The following ATMIN variants were observed in gnomAD, a reference collection of about 807,000 sequenced individuals.
ATMIN encodes the protein ATM interactor.
In ATMIN, 24 loss-of-function variants were observed where a neutral mutation model predicts 49.2. That is an observed-to-expected ratio of 0.49 (90% CI 0.35 to 0.69). The LOEUF (loss-of-function observed/expected upper bound fraction) is 0.69. ATMIN is among the 30% of genes least tolerant of loss of function. The pLI is 0.00. For missense variants in ATMIN, 1,037 were observed against 1,005.5 expected (o/e 1.03, Z -0.42); for synonymous variants, 450 against 392.5 (o/e 1.15, Z -1.73).
chr16:81,042,757 A>C (rs907793660), intron 3 of ATMIN, among the ~76,000 whole-genome samples: 3 of 152,188 alleles, frequency 2.0e-5, no homozygotes, highest in Non-Finnish European at 4.4e-5. Context: ...AGAATTTTCT[A>C]TCAGAGGGAA....
rs1236782815 is a variant in ATMIN at position 81,046,107 on chromosome 16, A to G, written c.*1137A>G. The G allele has an allele frequency of 2.6e-5, 4 of 152,188 alleles. No homozygotes were observed. Among genetic ancestry groups the G allele is most frequent in the Non-Finnish European group, 4.4e-5 (3 of 68,042 alleles). 9.4% of individuals were successfully genotyped at this position (152,188 alleles called of 1,614,324 possible). ...ATGACTTCATCTTGGGGTGTGTCCT[A>G]TGAAGATCCTTTCTGGTCTCCACAG... On this transcript the variant is annotated 3_prime_UTR_variant, in exon 4 of 4. Coordinates refer to ENST00000299575, the MANE Select transcript of ATMIN (RefSeq NM_015251.3).
intron 1 of ATMIN, chr16:81,040,469 A>T (rs991972673): frequency 2.0e-5 from 3 of 152,206 alleles, no homozygotes; most frequent in Admixed American, 1.3e-4. Context: ...TTACCCAGGC[A>T]TGATAGTTTT....
intron 1 of ATMIN, 28 bp downstream of exon 1, chr16:81,036,234 G>A (rs1235014219): frequency 2.2e-6 from 3 of 1,367,942 alleles, no homozygotes; most frequent in Non-Finnish European, 2.9e-6. Flanking sequence ...GGCGGCCCGG[G>A]GGGCCGGGCC....
rs9924298 is a variant in ATMIN, at chr16:81,037,145, A to G, written c.336+939A>G. 15 of 983,906 alleles carry G rather than the reference A, an allele frequency of 1.5e-5. No homozygotes were observed. In the African/African-American group the frequency reaches 2.3e-4, roughly 15 times the overall value. 60.9% of individuals were successfully genotyped at this position (983,906 alleles called of 1,614,324 possible). The stretch of plus-strand genomic sequence containing the variant: ...CCCACCCCGGACCTGTTAAGTCACA[A>G]TCTCTCAGTCATTACAATGGCAAGT... On this transcript the variant is annotated intron_variant, in intron 1 of 3. Coordinates refer to ENST00000299575, the MANE Select transcript of ATMIN (RefSeq NM_015251.3).
chr16:81,041,468 C>T lies in ATMIN; in HGVS notation c.449C>T (p.Ser150Phe), dbSNP rs557990387. Residue 150 changes from serine to phenylalanine, a missense_variant, in exon 2 of 4, where the codon TCT (serine) becomes TTT (phenylalanine). Ser to Phe is a radical substitution (Grantham distance 155). Coordinates refer to ENST00000299575, the MANE Select transcript of ATMIN (RefSeq NM_015251.3). ...CCTGAGAGACCGTTTTCTCAGTTTT[C>T]TCTCGTAAAACAGGTACTCTCTACT... ...RGPERPFSQF[S>F]LVKQHFMKMH... The T allele has an allele frequency of 6.2e-7, 1 of 1,608,576 alleles. No individual in the cohort carries two copies. The highest frequency in any genetic ancestry group is 8.5e-7 in the Non-Finnish European group (1 of 1,178,784).
chr16:81,041,378 T>C lies in ATMIN; in HGVS notation c.359T>C (p.Ile120Thr). The C allele has an allele frequency of 6.2e-7, 1 of 1,613,252 alleles. No individual in the cohort carries two copies. The highest frequency in any genetic ancestry group is 8.5e-7 in the Non-Finnish European group (1 of 1,179,814). Residue 120 changes from isoleucine to threonine, a missense_variant, in exon 2 of 4, where the codon ATA becomes ACA. Ile to Thr is a moderately conservative substitution (Grantham distance 89). Coordinates refer to ENST00000299575, the MANE Select transcript of ATMIN (RefSeq NM_015251.3). ...RLQDGIVNPT[I>T]RKDLKTGPKF... is the part of the protein sequence containing the mutation. ...CAGGATGGCATAGTCAATCCAACAATAAGAAAAGATTTGAAAACTGGACCG... is the reference window on the plus strand; with the variant it reads ...CAGGATGGCATAGTCAATCCAACAACAAGAAAAGATTTGAAAACTGGACCG...
At chr16:81,042,652 G>A (rs560664971) in intron 3 of ATMIN, among the ~76,000 whole-genome samples, 172 bp downstream of exon 3, 1 of 152,342 alleles carries the variant, frequency 6.6e-6, no homozygotes, top group South Asian at 2.1e-4. Context: ...ACACATGTCT[G>A]GGCCTGAAAT....
chr16:81,038,531 G>A (rs193280238), intron 1 of ATMIN, among the ~76,000 whole-genome samples: 2 of 152,096 alleles, frequency 1.3e-5, no homozygotes, highest in Admixed American at 1.3e-4. Flanking sequence ...CTTTCTAACC[G>A]CAGTGCCCAG....
At position 81,045,248 on chromosome 16, in the gene ATMIN, A is replaced by T. The variant is rs1418684509; in HGVS notation, c.*278A>T. The T allele has an allele frequency of 7.3e-6, 3 of 412,600 alleles. No individual in the cohort carries two copies. The highest frequency in any genetic ancestry group is 1.3e-5 in the Non-Finnish European group (3 of 232,612). 25.6% of individuals were successfully genotyped at this position (412,600 alleles called of 1,614,324 possible). Reference sequence around the variant, plus strand: ...CATGTTAAAAAAAAAAATGTATTTCATATCTATAAAACCTATATAGCCATT... The same window carrying T: ...CATGTTAAAAAAAAAAATGTATTTCTTATCTATAAAACCTATATAGCCATT... On this transcript the variant is annotated 3_prime_UTR_variant, in exon 4 of 4. Transcript: ENST00000299575.
rs768229303 is a variant in ATMIN at position 81,044,702 on chromosome 16, C to G, written c.2204C>G (p.Ser735Ter). ...KHSSFSVSTDSSDTETQTEGV... is the reference protein window; with the variant it reads ...KHSSFSVSTD Reference sequence around the variant, plus strand: ...TCCAGCTTTTCCGTGAGTACTGATTCATCTGACACAGAGACCCAAACTGAA... The same window carrying G: ...TCCAGCTTTTCCGTGAGTACTGATTGATCTGACACAGAGACCCAAACTGAA... Residue 735 changes from serine to a stop codon, truncating the protein, a stop_gained, in exon 4 of 4, where the codon TCA becomes TGA. Transcript: ENST00000299575. LOFTEE classifies it high-confidence loss of function. 3 of 1,614,192 alleles carry G rather than the reference C, an allele frequency of 1.9e-6. No homozygotes were observed. The highest frequency in any genetic ancestry group is 2.5e-6 in the Non-Finnish European group (3 of 1,180,040).
In ATMIN at chr16:81,035,906, C is replaced by T. The variant is rs1461938008; in HGVS notation, c.36C>T (p.Ser12=). The change falls in exon 1 of 4, where the codon TCC becomes TCT. Residue 12 remains serine (S), a synonymous_variant. Transcript: ENST00000299575. The part of the protein sequence containing the change: ...AASEAAAAAG[S]AALAAGARAV... ...CGGAGGCGGCGGCGGCGGCGGGGTC[C>T]GCGGCTCTGGCGGCGGGTGCCCGGG... is the stretch of plus-strand genomic sequence containing the variant. 2 of 984,618 alleles carry T rather than the reference C, an allele frequency of 2.0e-6. No homozygotes were observed. Among genetic ancestry groups the T allele is most frequent in the South Asian group, 4.5e-5 (1 of 22,078 alleles). The allele number at this position is 984,618 out of a possible 1,614,324, so 61.0% of individuals were successfully genotyped here.
Position 81,036,193 on chromosome 16 carries a change from G to A in ATMIN, c.323G>A (p.Ser108Asn). ...GCGCTCAACATGCACCTAGTCAAGA[G>A]CCACCGCCTGCAGGTGAGCCCGACG... ...SPALNMHLVK[S>N]HRLQDGIVNP... Residue 108 changes from serine to asparagine, a missense_variant, in exon 1 of 4, where the codon AGC becomes AAC. Ser to Asn is a conservative substitution (Grantham distance 46). Transcript: ENST00000299575. The A allele has an allele frequency of 6.9e-7, 1 of 1,449,454 alleles. No homozygotes were observed. Among genetic ancestry groups the A allele is most frequent in the Non-Finnish European group, 9.1e-7 (1 of 1,093,518 alleles). 89.8% of individuals were successfully genotyped at this position (1,449,454 alleles called of 1,614,324 possible). A position where few individuals can be genotyped will look rare whatever the true frequency, so the allele number is the denominator to read the frequency against.
chr16:81,036,175 A>T lies in ATMIN; in HGVS notation c.305A>T (p.Asn102Ile). The change falls in exon 1 of 4, where the codon AAC (asparagine) becomes ATC (isoleucine). Residue 102 changes from asparagine to isoleucine, a missense_variant. Transcript: ENST00000299575. ...GKILPNSPAL[N>I]MHLVKSHRLQ... is the part of the protein sequence containing the mutation. ...ATCCTGCCCAACAGCCCCGCGCTCAACATGCACCTAGTCAAGAGCCACCGC... is the reference window on the plus strand; with the variant it reads ...ATCCTGCCCAACAGCCCCGCGCTCATCATGCACCTAGTCAAGAGCCACCGC... 6.8e-7 allele frequency: 1 copy of T among 1,467,494 alleles called. No individual in the cohort carries two copies. The highest frequency in any genetic ancestry group is 9.1e-7 in the Non-Finnish European group (1 of 1,103,366). 90.9% of individuals were successfully genotyped at this position (1,467,494 alleles called of 1,614,324 possible).
Position 81,035,994 on chromosome 16 carries a change from C to A in ATMIN, c.124C>A (p.Pro42Thr). 8.9e-7 allele frequency: 1 copy of A among 1,120,034 alleles called. No individual in the cohort carries two copies. The highest frequency in any genetic ancestry group is 5.0e-5 in the Admixed American group (1 of 19,860). The allele number at this position is 1,120,034 out of a possible 1,614,324, so 69.4% of individuals were successfully genotyped here. A position where few individuals can be genotyped will look rare whatever the true frequency, so the allele number is the denominator to read the frequency against. ...AASGPWVPPG[P>T]RLRGSRPRPA... ...CTCGGGCCCGTGGGTGCCCCCGGGA[C>A]CCCGACTGAGGGGCAGCCGGCCGCG... Residue 42 changes from proline to threonine, a missense_variant, in exon 1 of 4, where the codon CCC becomes ACC. Coordinates refer to ENST00000299575, the MANE Select transcript of ATMIN (RefSeq NM_015251.3).
rs1214443321 is a variant in ATMIN, at chr16:81,045,732, CT to C, written c.*765del. 1 of 152,102 alleles carries C rather than the reference CT, an allele frequency of 6.6e-6. No individual in the cohort carries two copies. The highest frequency in any genetic ancestry group is 1.5e-5 in the Non-Finnish European group (1 of 68,068). 9.4% of individuals were successfully genotyped at this position (152,102 alleles called of 1,614,324 possible). On this transcript the variant is annotated 3_prime_UTR_variant, in exon 4 of 4. Transcript: ENST00000299575. ...GTGGCTTACCCCTGTAATCCCAGCACTTTGGGAGGCCAAAGCAGGACGATCA... is the reference window on the plus strand; with the variant it reads ...GTGGCTTACCCCTGTAATCCCAGCACTTGGGAGGCCAAAGCAGGACGATCA...
At position 81,043,153 on chromosome 16, in the gene ATMIN, G is replaced by C. The variant is rs374472168; in HGVS notation, c.663-8G>C. On this transcript the variant is annotated splice_region_variant and splice_polypyrimidine_tract_variant and intron_variant, in intron 3 of 3. Coordinates refer to ENST00000299575, the MANE Select transcript of ATMIN (RefSeq NM_015251.3). ...AAGGTTTTCTTTTTGCTCTGTCATT[G>C]TTTTCAGGGACCCACCTAGTAAGAA... 12 of 1,587,230 alleles carry C rather than the reference G, an allele frequency of 7.6e-6. No individual in the cohort carries two copies. In the African/African-American group the frequency reaches 1.6e-4, roughly 22 times the overall value.
Position 81,043,968 on chromosome 16 carries a change from C to G in ATMIN, c.1470C>G (p.Ser490=). The change falls in exon 4 of 4, where the codon TCC becomes TCG. Residue 490 remains serine (S), a synonymous_variant. Coordinates refer to ENST00000299575, the MANE Select transcript of ATMIN (RefSeq NM_015251.3). Reference sequence around the variant, plus strand: ...CCTGTTTCCAGTCAGGTGGGGTCTCCAGAGAAACTCAAACCAGTGGGATAG... The same window carrying G: ...CCTGTTTCCAGTCAGGTGGGGTCTCGAGAGAAACTCAAACCAGTGGGATAG... ...MDTCFQSGGV[S]RETQTSGIES... is the part of the protein sequence containing the mutation. 6.2e-7 allele frequency: 1 copy of G among 1,614,168 alleles called. No homozygotes were observed. The highest frequency in any genetic ancestry group is 1.1e-5 in the South Asian group (1 of 91,076).
In ATMIN at chr16:81,045,076, G is replaced by A; in HGVS notation, c.*106G>A. The A allele has an allele frequency of 1.4e-6, 2 of 1,417,200 alleles. No homozygotes were observed. The highest frequency in any genetic ancestry group is 1.9e-6 in the Non-Finnish European group (2 of 1,053,192). 87.8% of individuals were successfully genotyped at this position (1,417,200 alleles called of 1,614,324 possible). Reference sequence around the variant, plus strand: ...AATTCGATTGAATGTGGCTGATGATGCAGTTGCTTAGCTTCTTTGTGTTTC... The same window carrying A: ...AATTCGATTGAATGTGGCTGATGATACAGTTGCTTAGCTTCTTTGTGTTTC... On this transcript the variant is annotated 3_prime_UTR_variant, in exon 4 of 4. Transcript: ENST00000299575.
chr16:81,037,281 A>T (rs1033277170), intron 1 of ATMIN: 31 of 985,372 alleles, frequency 3.1e-5, no homozygotes, highest in Middle Eastern at 1.0e-3. Flanking sequence ...TAGAGTACCC[A>T]GAATATTGCA....
Sources: allele counts gnomAD v4.1 joint callset (sites outside exome capture counted in the v4.1 genomes callset), GRCh38; gene constraint gnomAD v4.1.1; transcripts MANE v1.5; gene names NCBI Gene and HGNC (gene_info 2026-07-23, HGNC 2026-07-21).